DPYSL5: variants seen among roughly 807,000 people sequenced by gnomAD.
The protein encoded by DPYSL5 is dihydropyrimidinase-related protein 5.
DPYSL5 carries 9 observed loss-of-function variants against 58.4 expected under a neutral mutation model. The observed-to-expected ratio is 0.15, with a 90% CI of 0.09 to 0.27. DPYSL5 has a LOEUF of 0.27. Ranked by LOEUF, DPYSL5 falls within the 10% of genes least tolerant of loss-of-function variation. The probability of loss-of-function intolerance (pLI) is 1.00; values close to 1 mark genes in which losing one functional copy is unlikely to be tolerated. For synonymous variants in DPYSL5, 293 were observed against 301.9 expected (o/e 0.97, Z 0.31); for missense variants, 499 against 770.6 (o/e 0.65, Z 4.17).
chr2:26,869,822 T>C (rs762634241), intron 1 of DPYSL5, among the ~76,000 whole-genome samples: 17 of 152,052 alleles, frequency 1.1e-4, no homozygotes, highest in Non-Finnish European at 1.5e-4. Context: ...CCATCCTGGC[T>C]AACACGGTGA....
At chr2:26,891,254 T>A (rs372044146) in intron 1 of DPYSL5, among the ~76,000 whole-genome samples, 1 of 152,186 alleles carries the variant, frequency 6.6e-6, no homozygotes, top group African/African-American at 2.4e-5. Context: ...CAGTATATAG[T>A]CAGTGTCTAG....
At position 26,944,593 on chromosome 2, in the gene DPYSL5, G is replaced by T; in HGVS notation, c.1441-63G>T. ...CCCACCGGCCCCCAGGGAGGCCATG[G>T]TTGTATCACTCAGCTCTGATGGTGT... is the stretch of plus-strand genomic sequence containing the variant. On this transcript the variant is annotated intron_variant, in intron 11 of 12. Coordinates refer to ENST00000288699, the MANE Select transcript of DPYSL5 (RefSeq NM_020134.4). The surrounding 1 kb of genome is among the most constrained non-coding windows in gnomAD (Gnocchi z 4.4). The T allele has an allele frequency of 6.4e-7, 1 of 1,567,160 alleles. No homozygotes were observed. Among genetic ancestry groups the T allele is most frequent in the Non-Finnish European group, 8.7e-7 (1 of 1,151,836 alleles).
chr2:26,908,560 A>C (rs185418086), intron 2 of DPYSL5, among the ~76,000 whole-genome samples: 13 of 152,350 alleles, frequency 8.5e-5, no homozygotes, highest in Non-Finnish European at 1.5e-4. Flanking sequence ...CGTTTCTTAT[A>C]AATTTGTATC....
At chr2:26,885,638 C>T (rs1004823168) in intron 1 of DPYSL5, among the ~76,000 whole-genome samples, 1 of 152,156 alleles carries the variant, frequency 6.6e-6, no homozygotes, top group Non-Finnish European at 1.5e-5. Context: ...TGGACAAGGA[C>T]CCAGGGTGTC....
chr2:26,850,805 A>T (rs929223922), intron 1 of DPYSL5, among the ~76,000 whole-genome samples: 1 of 152,164 alleles, frequency 6.6e-6, no homozygotes, highest in Admixed American at 6.5e-5. Context: ...TTCTGGCCAT[A>T]GGGAGTCAGC....
At position 26,925,185 on chromosome 2, in the gene DPYSL5, A is replaced by G. The variant is rs1664799061; in HGVS notation, c.420+140A>G. 1.7e-6 allele frequency: 2 copies of G among 1,147,270 alleles called. No homozygotes were observed. The highest frequency in any genetic ancestry group is 2.4e-6 in the Non-Finnish European group (2 of 829,902). The allele number at this position is 1,147,270 out of a possible 1,614,324, so 71.1% of individuals were successfully genotyped here. On this transcript the variant is annotated intron_variant, in intron 3 of 12. Coordinates refer to ENST00000288699, the MANE Select transcript of DPYSL5 (RefSeq NM_020134.4). This position sits in a 1 kb window ranked among gnomAD's most constrained non-coding sequence, Gnocchi z 4.5. ...GCTCCCCACAATGCCAAAAGAAAAC[A>G]CACTTGGGATTCCATAAGGGGAGCG...
At chr2:26,883,547 C>T (rs1011609990) in intron 1 of DPYSL5, among the ~76,000 whole-genome samples, 1 of 152,076 alleles carries the variant, frequency 6.6e-6, no homozygotes, top group Non-Finnish European at 1.5e-5. Context: ...TACAGGCACG[C>T]ACCATCATGC....
chr2:26,873,373 C>T (rs182061504), intron 1 of DPYSL5, among the ~76,000 whole-genome samples: 23 of 152,276 alleles, frequency 1.5e-4, no homozygotes, highest in Non-Finnish European at 2.8e-4. Context: ...CCCCCTCACC[C>T]CCCTGGCAAT....
intron 1 of DPYSL5, among the ~76,000 whole-genome samples, chr2:26,867,677 G>A (rs1021082293): frequency 1.3e-5 from 2 of 151,698 alleles, no homozygotes; most frequent in African/African-American, 2.4e-5. Flanking sequence ...GGATGGTCTC[G>A]ATCTCCTGAC....
intron 1 of DPYSL5, among the ~76,000 whole-genome samples, chr2:26,864,063 C>A (rs1029553357): frequency 3.9e-5 from 6 of 152,040 alleles, no homozygotes; most frequent in African/African-American, 1.4e-4. Context: ...GACAACATGA[C>A]AAAACCCTAT....
In DPYSL5 at chr2:26,863,938, A is replaced by C. The variant is rs533596080; in HGVS notation, c.-5+15684A>C. Among the ~76,000 whole-genome samples the C allele has an allele frequency of 2.6e-4, 40 of 152,308 alleles. 1 individual carries two copies. In the South Asian group the frequency reaches 3.9e-3, roughly 15 times the overall value. On this transcript the variant is annotated intron_variant, in intron 1 of 12. Coordinates refer to ENST00000288699, the MANE Select transcript of DPYSL5 (RefSeq NM_020134.4). ...CTTTTCGTTTTAATAGATACAAGGA[A>C]TTTCAGAAATTACATATAGTTAGAC...
intron 2 of DPYSL5, among the ~76,000 whole-genome samples, chr2:26,913,545 G>C (rs1664491935): frequency 6.6e-6 from 1 of 152,132 alleles, no homozygotes; most frequent in Admixed American, 6.5e-5. Context: ...CCACCTTTTA[G>C]CTGCTGTGAA....
chr2:26,853,321 A>G (rs1665800465), intron 1 of DPYSL5, among the ~76,000 whole-genome samples: 1 of 152,174 alleles, frequency 6.6e-6, no homozygotes, highest in Non-Finnish European at 1.5e-5. Flanking sequence ...GGGAATAAAG[A>G]AAACTCAGGT....
At chr2:26,907,576 T>G (rs1664327526) in intron 2 of DPYSL5, among the ~76,000 whole-genome samples, 1 of 152,022 alleles carries the variant, frequency 6.6e-6, no homozygotes, top group African/African-American at 2.4e-5. Flanking sequence ...GACCTTGCCC[T>G]CCCATCGACC....
At chr2:26,868,682 A>G (rs1663176963) in intron 1 of DPYSL5, among the ~76,000 whole-genome samples, 1 of 152,182 alleles carries the variant, frequency 6.6e-6, no homozygotes, top group Admixed American at 6.5e-5. Context: ...ATCTGTTGAT[A>G]CCATACAGTT....
chr2:26,867,842 GGA>G (rs1295963390), intron 1 of DPYSL5, among the ~76,000 whole-genome samples: 1 of 152,162 alleles, frequency 6.6e-6, no homozygotes, highest in Non-Finnish European at 1.5e-5. Context: ...TTATTTCTAT[GGA>G]GAGAGTCCTA....
intron 1 of DPYSL5, among the ~76,000 whole-genome samples, chr2:26,888,141 G>C (rs1389379150): frequency 6.6e-6 from 1 of 152,088 alleles, no homozygotes; most frequent in Admixed American, 6.5e-5. Context: ...AGTCTATGCA[G>C]CTCTAGAATT....
At chr2:26,894,256 C>A (rs1663958960) in intron 1 of DPYSL5, among the ~76,000 whole-genome samples, 1 of 152,070 alleles carries the variant, frequency 6.6e-6, no homozygotes. Context: ...TTTCACTTCT[C>A]AGGTCCCTGC....
intron 2 of DPYSL5, among the ~76,000 whole-genome samples, chr2:26,899,339 C>G (rs1664095044): frequency 6.6e-6 from 1 of 152,064 alleles, no homozygotes; most frequent in Non-Finnish European, 1.5e-5. Flanking sequence ...TCCTGAATGC[C>G]AAGTACAAAA....
Sources: allele counts gnomAD v4.1 joint callset (sites outside exome capture counted in the v4.1 genomes callset), GRCh38; gene constraint gnomAD v4.1.1; non-coding constraint Gnocchi (gnomAD v3.1); transcripts MANE v1.5; gene names NCBI Gene and HGNC (gene_info 2026-07-23, HGNC 2026-07-21).